RSBN1L: variants seen among roughly 807,000 people sequenced by gnomAD.
The protein encoded by RSBN1L is round spermatid basic protein 1 like.
RSBN1L carries 30 observed loss-of-function variants against 67.7 expected under a neutral mutation model. That is an observed-to-expected ratio of 0.44 (90% CI 0.33 to 0.60). The LOEUF (loss-of-function observed/expected upper bound fraction) is 0.60. Ranked by LOEUF, RSBN1L falls within the 20% of genes least tolerant of loss-of-function variation. The pLI, the probability that RSBN1L is intolerant of heterozygous loss-of-function variation, is 0.02. For missense variants in RSBN1L, 992 were observed against 1,031.7 expected (o/e 0.96, Z 0.53); for synonymous variants, 433 against 387.0 (o/e 1.12, Z -1.39).
chr7:77,777,411 T>G (rs924783951), intron 6 of RSBN1L, among the ~76,000 whole-genome samples: 16 of 152,082 alleles, frequency 1.1e-4, no homozygotes, highest in Admixed American at 3.9e-4. Context: ...TTTAGCAGTC[T>G]TTGTTATGCT....
intron 2 of RSBN1L, among the ~76,000 whole-genome samples, chr7:77,743,030 A>G (rs1383179194): frequency 6.7e-6 from 1 of 149,946 alleles, no homozygotes; most frequent in Admixed American, 6.7e-5. Context: ...TCATTTCAGT[A>G]TTTAATTACA....
intron 3 of RSBN1L, among the ~76,000 whole-genome samples, chr7:77,765,221 T>C (rs537972144): frequency 6.6e-6 from 1 of 152,302 alleles, no homozygotes; most frequent in South Asian, 2.1e-4. Context: ...TAATGCTTAT[T>C]TGTCTTAACT....
intron 2 of RSBN1L, among the ~76,000 whole-genome samples, chr7:77,742,721 C>G (rs1256951981): frequency 6.6e-6 from 1 of 152,142 alleles, no homozygotes; most frequent in Non-Finnish European, 1.5e-5. Flanking sequence ...CCTGTAATTC[C>G]AGCTACTCAG....
chr7:77,777,261 G>T (rs1431899256), intron 6 of RSBN1L, among the ~76,000 whole-genome samples: 2 of 151,874 alleles, frequency 1.3e-5, no homozygotes, highest in East Asian at 3.8e-4. Flanking sequence ...TTGCTTTAAA[G>T]AATCATTTCT....
rs1199047777 is a variant in RSBN1L, at chr7:77,779,328, A to T, written c.*160A>T. 3.4e-6 allele frequency: 2 copies of T among 587,176 alleles called. No individual in the cohort carries two copies. Among genetic ancestry groups the T allele is most frequent in the Non-Finnish European group, 6.0e-6 (2 of 333,590 alleles). 36.4% of individuals were successfully genotyped at this position (587,176 alleles called of 1,614,324 possible). A position where few individuals can be genotyped will look rare whatever the true frequency, so the allele number is the denominator to read the frequency against. ...CAGTGCCTGTCCATAACTGTGAAGTATTAAGCACTTAGGGCCAGATGCACT... is the reference window on the plus strand; with the variant it reads ...CAGTGCCTGTCCATAACTGTGAAGTTTTAAGCACTTAGGGCCAGATGCACT... On this transcript the variant is annotated 3_prime_UTR_variant, in exon 8 of 8. Coordinates refer to ENST00000334955, the MANE Select transcript of RSBN1L (RefSeq NM_198467.3).
intron 2 of RSBN1L, among the ~76,000 whole-genome samples, chr7:77,746,324 G>T (rs987336718): frequency 6.6e-6 from 1 of 152,118 alleles, no homozygotes; most frequent in Non-Finnish European, 1.5e-5. Context: ...CAGGCACGCC[G>T]TACATGGCCA....
intron 1 of RSBN1L, among the ~76,000 whole-genome samples, chr7:77,716,880 C>G (rs1208048775): frequency 6.6e-6 from 1 of 151,842 alleles, no homozygotes; most frequent in Non-Finnish European, 1.5e-5. Context: ...ATCTGCTTGC[C>G]TTGGCCTCCC....
intron 2 of RSBN1L, among the ~76,000 whole-genome samples, chr7:77,740,985 CTTTTT>C (rs869081974): frequency 2.9e-5 from 3 of 102,924 alleles, no homozygotes; most frequent in East Asian, 2.8e-4. Flanking sequence ...CTTTTCTTTT[CTTTTT>C]TTTTTTTTTT....
rs1012543904 is a variant in RSBN1L, at chr7:77,708,735, T to A, written c.586+11680T>A. On this transcript the variant is annotated intron_variant, in intron 1 of 7. Coordinates refer to ENST00000334955, the MANE Select transcript of RSBN1L (RefSeq NM_198467.3). The stretch of plus-strand genomic sequence containing the variant: ...AAGACATGGTTTTTTAGGAGGGTGA[T>A]AATATATTCAAATTGGTATTTTAGC... 5.3e-5 allele frequency among the ~76,000 whole-genome samples: 8 copies of A among 152,178 alleles called. No individual in the cohort carries two copies. In the South Asian group the frequency reaches 1.7e-3, roughly 32 times the overall value.
At chr7:77,771,329 A>G (rs1289421961) in intron 5 of RSBN1L, among the ~76,000 whole-genome samples, 1 of 152,236 alleles carries the variant, frequency 6.6e-6, no homozygotes, top group Non-Finnish European at 1.5e-5. Context: ...AAAAGAAAAC[A>G]GGGAAAAAGT....
intron 1 of RSBN1L, among the ~76,000 whole-genome samples, chr7:77,728,537 A>G (rs902768240): frequency 6.6e-6 from 1 of 152,298 alleles, no homozygotes; most frequent in African/African-American, 2.4e-5. Context: ...CTTGCCTCCT[A>G]TGGTGTGGCG....
At chr7:77,728,096 T>G (rs933401937) in intron 1 of RSBN1L, among the ~76,000 whole-genome samples, 3 of 152,218 alleles carry the variant, frequency 2.0e-5, no homozygotes, top group Admixed American at 6.5e-5. Context: ...CTGAGCCATC[T>G]GCACAGTGTT....
intron 1 of RSBN1L, among the ~76,000 whole-genome samples, chr7:77,730,892 A>G (rs1791263973): frequency 6.6e-6 from 1 of 152,196 alleles, no homozygotes; most frequent in Non-Finnish European, 1.5e-5. Flanking sequence ...TAAATACCAT[A>G]GACTGTGATT....
At chr7:77,703,454 G>A (rs955479636) in intron 1 of RSBN1L, among the ~76,000 whole-genome samples, 1 of 116,450 alleles carries the variant, frequency 8.6e-6, no homozygotes, top group Non-Finnish European at 1.7e-5. Flanking sequence ...GTGTGTGTGT[G>A]TCTCTTTTTT....
chr7:77,774,314 T>TG (rs1165063968), intron 6 of RSBN1L, among the ~76,000 whole-genome samples: 2 of 152,154 alleles, frequency 1.3e-5, no homozygotes, highest in Non-Finnish European at 2.9e-5. Context: ...CGGCCAGGTG[T>TG]GATGGCTCAC....
intron 1 of RSBN1L, among the ~76,000 whole-genome samples, chr7:77,717,014 G>A (rs901431176): frequency 6.6e-6 from 1 of 150,772 alleles, no homozygotes; most frequent in African/African-American, 2.4e-5. Context: ...AGGCTGGAGT[G>A]CAGTGGCGTA....
At position 77,779,297 on chromosome 7, in the gene RSBN1L, A is replaced by T. The variant is rs1324538135; in HGVS notation, c.*129A>T. 2.9e-6 allele frequency: 2 copies of T among 680,184 alleles called. No homozygotes were observed. The highest frequency in any genetic ancestry group is 5.0e-6 in the Non-Finnish European group (2 of 401,800). The allele number at this position is 680,184 out of a possible 1,614,324, so 42.1% of individuals were successfully genotyped here. On this transcript the variant is annotated 3_prime_UTR_variant, in exon 8 of 8. Coordinates refer to ENST00000334955, the MANE Select transcript of RSBN1L (RefSeq NM_198467.3). ...AACATAGTTTATGTAGCTTTGTAACATTCCTCAGTGCCTGTCCATAACTGT... is the reference window on the plus strand; with the variant it reads ...AACATAGTTTATGTAGCTTTGTAACTTTCCTCAGTGCCTGTCCATAACTGT...
At chr7:77,705,300 T>G (rs553133686) in intron 1 of RSBN1L, among the ~76,000 whole-genome samples, 4 of 152,300 alleles carry the variant, frequency 2.6e-5, no homozygotes, top group African/African-American at 9.6e-5. Context: ...TGTCTTATTG[T>G]GGTGATATTT....
chr7:77,764,266 A>C (rs1170797459), intron 3 of RSBN1L, among the ~76,000 whole-genome samples: 2 of 152,222 alleles, frequency 1.3e-5, no homozygotes, highest in African/African-American at 4.8e-5. Flanking sequence ...AGTTTTGCTT[A>C]TAATTTGGTT....
Sources: allele counts gnomAD v4.1 joint callset (sites outside exome capture counted in the v4.1 genomes callset), GRCh38; gene constraint gnomAD v4.1.1; transcripts MANE v1.5; gene names NCBI Gene and HGNC (gene_info 2026-07-23, HGNC 2026-07-21).